ANKAR: variants seen among roughly 807,000 people sequenced by gnomAD.
ANKAR encodes ankyrin and armadillo repeat containing.
A neutral mutation model predicts 146.2 loss-of-function variants in ANKAR; 136 were observed. The observed-to-expected ratio is 0.93, with a 90% CI of 0.81 to 1.07. ANKAR has a LOEUF of 1.07. Among genes scored for constraint, ANKAR ranks in the 50% least tolerant of loss-of-function variants. ANKAR has a pLI of 0.00. For synonymous variants in ANKAR, 500 were observed against 575.8 expected, an observed-to-expected ratio of 0.87 and a Z score of 1.88; for missense variants, 1,567 against 1,679.9, an observed-to-expected ratio of 0.93 and a Z score of 1.18.
chr2:189,752,768 G>A, intron 18 of ANKAR: 1 of 1,613,242 alleles, frequency 6.2e-7, no homozygotes, highest in Non-Finnish European at 8.5e-7. Context: ...TCCAAGATCT[G>A]AAGGAAGAAG....
At chr2:189,739,078 G>T (rs1181267807) in intron 19 of ANKAR, among the ~76,000 whole-genome samples, 1 of 152,202 alleles carries the variant, frequency 6.6e-6, no homozygotes, top group Non-Finnish European at 1.5e-5. Context: ...TGCACATTTT[G>T]CTAACACTGA....
chr2:189,689,568 TATG>T lies in ANKAR; in HGVS notation c.648_650del (p.Asp216del). Reference sequence around the variant, plus strand: ...AAAGGATCCAGACTTTAATGAAATCTATGATGAAGACGTGAATGAAGATCCAAC... The same window carrying T: ...AAAGGATCCAGACTTTAATGAAATCTATGAAGACGTGAATGAAGATCCAAC... On this transcript the variant is annotated inframe_deletion, in exon 3 of 23. Coordinates refer to ENST00000684021, the MANE Select transcript of ANKAR (RefSeq NM_001378068.1). 1.2e-6 allele frequency: 2 copies of T among 1,606,570 alleles called. No individual in the cohort carries two copies. The highest frequency in any genetic ancestry group is 1.7e-6 in the Non-Finnish European group (2 of 1,177,174).
intron 7 of ANKAR, among the ~76,000 whole-genome samples, chr2:189,697,150 G>C (rs1330604190): frequency 6.6e-6 from 1 of 151,926 alleles, no homozygotes; most frequent in Non-Finnish European, 1.5e-5. Context: ...CAACACTTTG[G>C]GAGGCTGAGG....
intron 7 of ANKAR, among the ~76,000 whole-genome samples, chr2:189,702,328 G>T (rs1299590651): frequency 6.6e-6 from 1 of 152,134 alleles, no homozygotes; most frequent in Non-Finnish European, 1.5e-5. Context: ...ACTCCTAGAG[G>T]TAAAACACAT....
At position 189,696,638 on chromosome 2, in the gene ANKAR, C is replaced by T. The variant is rs185997837; in HGVS notation, c.1708+269C>T. On this transcript the variant is annotated intron_variant, in intron 7 of 22. Coordinates refer to ENST00000684021, the MANE Select transcript of ANKAR (RefSeq NM_001378068.1). Reference sequence around the variant, plus strand: ...CAAAGATTTAGCCTACTTTATTTGCCGTGGTATACTAATGTCCAGATGAAA... The same window carrying T: ...CAAAGATTTAGCCTACTTTATTTGCTGTGGTATACTAATGTCCAGATGAAA... Among the ~76,000 whole-genome samples the T allele has an allele frequency of 6.8e-4, 104 of 152,214 alleles. 1 individual carries two copies. Among genetic ancestry groups the T allele is most frequent in the African/African-American group, 2.5e-3 (103 of 41,516 alleles).
At chr2:189,746,668 A>T (rs770219038), downstream of ANKAR, 5 of 1,534,646 alleles carry the variant, frequency 3.3e-6, no homozygotes, top group East Asian at 1.2e-4. Context: ...GCCATCTTTT[A>T]AAAATTTTTT....
Position 189,695,108 on chromosome 2 carries a change from T to C in ANKAR, c.1435T>C (p.Leu479=). 3 of 1,609,316 alleles carry C rather than the reference T, an allele frequency of 1.9e-6. No homozygotes were observed. Among genetic ancestry groups the C allele is most frequent in the Non-Finnish European group, 2.5e-6 (3 of 1,178,672 alleles). The change falls in exon 6 of 23, where the codon TTA becomes CTA. Residue 479 remains leucine, a synonymous_variant. Coordinates refer to ENST00000684021, the MANE Select transcript of ANKAR (RefSeq NM_001378068.1). Reference sequence around the variant, plus strand: ...AAGACTTCCACTGACAGATGCTCAATTACATGAACAATTTAAGAAAAAGCT... The same window carrying C: ...AAGACTTCCACTGACAGATGCTCAACTACATGAACAATTTAAGAAAAAGCT... ...LKRLPLTDAQ[L]HEQFKKKLGF...
At chr2:189,732,968 T>G in intron 16 of ANKAR, 139 bp from the exon 17 acceptor site, 1 of 785,418 alleles carries the variant, frequency 1.3e-6, no homozygotes, top group African/African-American at 1.8e-5. Flanking sequence ...GCTAGTAAGA[T>G]AACTGGAATC....
chr2:189,736,526 G>A (rs1225677426), intron 17 of ANKAR, among the ~76,000 whole-genome samples: 2 of 126,884 alleles, frequency 1.6e-5, no homozygotes, highest in South Asian at 5.3e-4. Context: ...GTGTGTGTGT[G>A]TGTGTGTGTG....
At chr2:189,732,602 A>G (rs1368104252) in intron 16 of ANKAR, among the ~76,000 whole-genome samples, 4 of 144,040 alleles carry the variant, frequency 2.8e-5, no homozygotes, top group Admixed American at 7.4e-5. Flanking sequence ...TGGAGGTTGC[A>G]GTGAGCTAAG....
intron 2 of ANKAR, among the ~76,000 whole-genome samples, chr2:189,678,284 ATTGT>A (rs1388358819): frequency 2.6e-5 from 4 of 151,150 alleles, no homozygotes; most frequent in African/African-American, 7.3e-5. Flanking sequence ...TTTTGATGGG[ATTGT>A]TTGTTTTTTT....
In ANKAR at chr2:189,737,860, C is replaced by T. The variant is rs1023182587; in HGVS notation, c.3582+19C>T. 6.6e-7 allele frequency: 1 copy of T among 1,513,380 alleles called. No homozygotes were observed. Among genetic ancestry groups the T allele is most frequent in the Non-Finnish European group, 8.8e-7 (1 of 1,139,050 alleles). The allele number at this position is 1,513,380 out of a possible 1,614,324, so 93.7% of individuals were successfully genotyped here. On this transcript the variant is annotated intron_variant, in intron 18 of 22. Transcript: ENST00000684021. ...ATTTCAGGTATAAAATTGAGATTAACACCTCAAATTAATAAATATGTCATT... is the reference window on the plus strand; with the variant it reads ...ATTTCAGGTATAAAATTGAGATTAATACCTCAAATTAATAAATATGTCATT...
intron 15 of ANKAR, among the ~76,000 whole-genome samples, chr2:189,729,715 T>TGTGTGTGTGTGTGTGTGTGTGTGTGGGG (rs61101787): frequency 9.5e-4 from 135 of 141,454 alleles, no homozygotes; most frequent in Middle Eastern, 7.2e-3. Flanking sequence ...TGTGTGTGTG[T>TGTGTGTGTGTGTGTGTGTGTGTGTGGGG]GGTGCGGGTG....
At position 189,727,872 on chromosome 2, in the gene ANKAR, A is replaced by G. The variant is rs762882989; in HGVS notation, c.2652A>G (p.Val884=). The G allele has an allele frequency of 1.2e-6, 2 of 1,613,902 alleles. No homozygotes were observed. Among genetic ancestry groups the G allele is most frequent in the Non-Finnish European group, 1.7e-6 (2 of 1,179,854 alleles). Residue 884 remains valine (V), a synonymous_variant, in exon 13 of 23, where the codon GTA becomes GTG. Coordinates refer to ENST00000684021, the MANE Select transcript of ANKAR (RefSeq NM_001378068.1). ...LSSDSDVLKA[V]SSAAIAEVGR... ...CATTTGAAGATGTGTTGAAGGCTGT[A>G]TCTTCTGCTGCAATTGCTGAGGTTG...
At position 189,746,583 on chromosome 2, in the gene ANKAR, G is replaced by T; in HGVS notation, c.4261G>T (p.Gly1421Trp). ...RPRIVCLNQL[G>W]KHVQKANPEP... ...AAGAATAGTGTGTTTGAACCAACTT[G>T]GGAAACATGTCCAGAAAGCCAACCC... The change falls in exon 23 of 23, where the codon GGG becomes TGG. Residue 1421 changes from glycine (G) to tryptophan (W), a missense_variant. By Grantham distance (184) the Gly-to-Trp change is radical. Transcript: ENST00000684021. The T allele has an allele frequency of 6.2e-7, 1 of 1,612,294 alleles. No individual in the cohort carries two copies. The highest frequency in any genetic ancestry group is 1.1e-5 in the South Asian group (1 of 90,304).
At chr2:189,694,949 A>T in intron 5 of ANKAR, 32 bp from the exon 6 acceptor site, 1 of 1,352,464 alleles carries the variant, frequency 7.4e-7, no homozygotes, top group Non-Finnish European at 9.7e-7. Flanking sequence ...TCAAAGTTAG[A>T]GAAACATCTT....
At chr2:189,722,211 C>T (rs1013426545) in intron 12 of ANKAR, among the ~76,000 whole-genome samples, 10 of 151,796 alleles carry the variant, frequency 6.6e-5, no homozygotes, top group Non-Finnish European at 1.2e-4. Context: ...TGGTGGTGCA[C>T]GCCTGTAATC....
intron 15 of ANKAR, 87 bp downstream of exon 15, chr2:189,728,908 T>A: frequency 2.3e-6 from 3 of 1,296,910 alleles, no homozygotes; most frequent in Non-Finnish European, 3.2e-6. Context: ...TCTCTTCCTC[T>A]CTATCCCCAC....
At chr2:189,750,305 T>C (rs1351433892), downstream of ANKAR, among the ~76,000 whole-genome samples, 1 of 152,182 alleles carries the variant, frequency 6.6e-6, no homozygotes, top group Non-Finnish European at 1.5e-5. Flanking sequence ...TTTCAAAGCT[T>C]CCTTTCTACC....
Sources: allele counts gnomAD v4.1 joint callset (sites outside exome capture counted in the v4.1 genomes callset), GRCh38; gene constraint gnomAD v4.1.1; transcripts MANE v1.5; gene names NCBI Gene and HGNC (gene_info 2026-07-23, HGNC 2026-07-21).